STEEP1: variants seen among roughly 807,000 people sequenced by gnomAD.
STEEP1 encodes the protein STING1 ER exit protein 1.
STEEP1 carries 3 observed loss-of-function variants against 19.2 expected under a neutral mutation model. That is an observed-to-expected ratio of 0.16 (90% CI 0.07 to 0.40). The LOEUF is 0.40. STEEP1 is among the 10% of genes least tolerant of loss of function. The pLI is 0.99. For missense variants in STEEP1, 54 were observed against 177.1 expected, an observed-to-expected ratio of 0.30 and a Z score of 3.94; for synonymous variants, 46 against 63.7, an observed-to-expected ratio of 0.72 and a Z score of 1.32.
chrX:119,548,648 A>AGC (rs1302730889), intron 2 of STEEP1, among the ~76,000 whole-genome samples: 1 of 111,023 alleles, frequency 9.0e-6, no homozygotes, highest in African/African-American at 3.3e-5. Context: ...ATTATGGAAC[A>AGC]CAGTATGGGA....
chrX:119,543,814 GT>G (rs1391811708), intron 4 of STEEP1, among the ~76,000 whole-genome samples: 23 of 111,628 alleles, frequency 2.1e-4, no homozygotes, highest in Non-Finnish European at 4.1e-4. Context: ...CTAATTCATT[GT>G]TTTTAATTGT....
At chrX:119,557,985 G>A (rs2053293412) in intron 2 of STEEP1, among the ~76,000 whole-genome samples, 1 of 110,608 alleles carries the variant, frequency 9.0e-6, no homozygotes, top group Admixed American at 9.7e-5. Context: ...TCAGCTCACT[G>A]CAACCTCTGC....
chrX:119,542,354 C>T (rs1208582233), intron 5 of STEEP1, 151 bp downstream of exon 5: 2 of 431,609 alleles, frequency 4.6e-6, no homozygotes, highest in Non-Finnish European at 4.0e-6. Flanking sequence ...GCGTGAGCCA[C>T]CACACCCAGC....
intron 1 of STEEP1, among the ~76,000 whole-genome samples, chrX:119,564,330 T>C (rs776456473): frequency 1.4e-4 from 15 of 110,304 alleles, no homozygotes; most frequent in African/African-American, 3.6e-4. Flanking sequence ...CCCCCGTCTC[T>C]ACTAAAAACA....
intron 2 of STEEP1, among the ~76,000 whole-genome samples, chrX:119,552,287 T>A (rs933346493): frequency 9.0e-6 from 1 of 111,687 alleles, no homozygotes; most frequent in African/African-American, 3.3e-5. Flanking sequence ...ATCTGCCCGC[T>A]TCGGCCTCCC....
At chrX:119,556,133 G>C (rs1048048658) in intron 2 of STEEP1, among the ~76,000 whole-genome samples, 2 of 111,219 alleles carry the variant, frequency 1.8e-5, no homozygotes, top group Non-Finnish European at 3.8e-5. Context: ...AAGCAGGATG[G>C]AATAAGGATA....
intron 2 of STEEP1, among the ~76,000 whole-genome samples, chrX:119,555,833 CAA>C (rs1460685443): frequency 1.8e-5 from 2 of 111,289 alleles, no homozygotes; most frequent in Non-Finnish European, 3.8e-5. Context: ...ACAGATGAGA[CAA>C]AGAGAGACTG....
chrX:119,544,215 TAAGA>T (rs778142370), intron 4 of STEEP1, 134 bp downstream of exon 4: 332 of 466,392 alleles, frequency 7.1e-4, no homozygotes, highest in Non-Finnish European at 1.0e-3. Context: ...AGAAATAAAA[TAAGA>T]AAAAGACAAA....
At chrX:119,551,118 TATG>T (rs1304595089) in intron 2 of STEEP1, among the ~76,000 whole-genome samples, 2 of 111,862 alleles carry the variant, frequency 1.8e-5, no homozygotes, top group Non-Finnish European at 3.8e-5. Context: ...AAATCATATA[TATG>T]ATAAGGGACT....
intron 2 of STEEP1, among the ~76,000 whole-genome samples, chrX:119,556,152 A>AAAAGGCTTGAAGTCACCC (rs2053276872): frequency 2.7e-5 from 3 of 111,184 alleles, no homozygotes; most frequent in Non-Finnish European, 5.7e-5. Flanking sequence ...TAAAGGGTAA[A>AAAAGGCTTGAAGTCACCC]AAAGGCTTGA....
chrX:119,555,897 G>A (rs1370827645), intron 2 of STEEP1, among the ~76,000 whole-genome samples: 2 of 111,735 alleles, frequency 1.8e-5, no homozygotes, highest in Non-Finnish European at 3.8e-5. Context: ...GTCATCATAA[G>A]AAGAAGGAAA....
In STEEP1 at chrX:119,538,390, G is replaced by C. The variant is rs907541495; in HGVS notation, c.*1337C>G. ...TGCAAGGAAGCAGTATCAGCTGCCC[G>C]ACTAGAGGGTAGCTCCCTCCCTTGG... On this transcript the variant is annotated 3_prime_UTR_variant, in exon 7 of 7. Coordinates refer to ENST00000644802, the MANE Select transcript of STEEP1 (RefSeq NM_022101.4). 1 of 107,880 alleles carries C rather than the reference G, an allele frequency of 9.3e-6. No homozygotes were observed. Among genetic ancestry groups the C allele is most frequent in the African/African-American group, 3.4e-5 (1 of 29,682 alleles). 8.9% of individuals were successfully genotyped at this position (107,880 alleles called of 1,213,427 possible). A position where few individuals can be genotyped will look rare whatever the true frequency, so the allele number is the denominator to read the frequency against.
At chrX:119,559,621 T>C (rs2053307119) in intron 2 of STEEP1, among the ~76,000 whole-genome samples, 1 of 111,736 alleles carries the variant, frequency 8.9e-6, no homozygotes, top group African/African-American at 3.2e-5. Flanking sequence ...TCTTTAATGG[T>C]AAAAATCATA....
intron 5 of STEEP1, 69 bp downstream of exon 5, chrX:119,542,436 G>A (rs1603305497): frequency 3.9e-6 from 3 of 770,373 alleles, no homozygotes; most frequent in East Asian, 6.4e-5. Flanking sequence ...CAAGGCTCCC[G>A]CTCTAGAGTC....
At chrX:119,549,774 A>G (rs2053231722) in intron 2 of STEEP1, among the ~76,000 whole-genome samples, 1 of 112,247 alleles carries the variant, frequency 8.9e-6, no homozygotes, top group Non-Finnish European at 1.9e-5. Flanking sequence ...ACCTACTCAC[A>G]TGACAGCAAC....
intron 2 of STEEP1, among the ~76,000 whole-genome samples, chrX:119,554,553 T>A (rs2053265754): frequency 8.9e-6 from 1 of 111,852 alleles, no homozygotes; most frequent in Non-Finnish European, 1.9e-5. Context: ...CCACAATGAA[T>A]AGCGCTGACT....
chrX:119,541,178 G>T (rs2147344444), intron 6 of STEEP1, 150 bp downstream of exon 6: 1 of 454,815 alleles, frequency 2.2e-6, no homozygotes, highest in East Asian at 3.6e-5. Context: ...TATACTGACA[G>T]TCACAGACCA....
Position 119,538,584 on chromosome X carries a change from C to CCG in STEEP1, c.*1141_*1142dup, listed in dbSNP as rs1181035566. The CCG allele has an allele frequency of 9.1e-6, 1 of 109,906 alleles. No individual in the cohort carries two copies. The allele number at this position is 109,906 out of a possible 1,213,427, so 9.1% of individuals were successfully genotyped here. ...AAGTAGCCGTGACTACAGGGGTATG[C>CCG]CGCCACACCTGGCTAATTTCTTTTG... On this transcript the variant is annotated 3_prime_UTR_variant, in exon 7 of 7. Coordinates refer to ENST00000644802, the MANE Select transcript of STEEP1 (RefSeq NM_022101.4).
intron 6 of STEEP1, 142 bp downstream of exon 6, chrX:119,541,186 C>T: frequency 4.3e-6 from 2 of 469,695 alleles, no homozygotes; most frequent in East Asian, 3.5e-5. Flanking sequence ...CAGTCACAGA[C>T]CAGGGTTATA....
Sources: gnomAD v4.1 joint callset for allele counts (sites outside exome capture counted in the v4.1 genomes callset) on GRCh38, gnomAD v4.1.1 for gene constraint, MANE v1.5 for transcripts, NCBI Gene and HGNC (gene_info 2026-07-23, HGNC 2026-07-21) for gene names.